CTDSPL2: variants seen among roughly 807,000 people sequenced by gnomAD.
The protein encoded by CTDSPL2 is CTD small phosphatase like 2, also known as CTD small phosphatase-like protein 2.
A neutral mutation model predicts 60.0 loss-of-function variants in CTDSPL2; 5 were observed. That is an observed-to-expected ratio of 0.08 (90% CI 0.04 to 0.18). The LOEUF is 0.18. Ranked by LOEUF, CTDSPL2 falls within the 10% of genes least tolerant of loss-of-function variation. The pLI is 1.00. For missense variants in CTDSPL2, 370 were observed against 548.8 expected (o/e 0.67, Z 3.26); for synonymous variants, 186 against 189.3 (o/e 0.98, Z 0.14).
chr15:44,436,301 G>T (rs1422776337), intron 1 of CTDSPL2, among the ~76,000 whole-genome samples: 1 of 152,150 alleles, frequency 6.6e-6, no homozygotes, highest in Non-Finnish European at 1.5e-5. Flanking sequence ...AGGTCATCTA[G>T]TCCAATAACA....
intron 5 of CTDSPL2, among the ~76,000 whole-genome samples, chr15:44,493,615 G>A (rs1204204003): frequency 6.6e-6 from 1 of 152,024 alleles, no homozygotes; most frequent in Non-Finnish European, 1.5e-5. Context: ...GCAATATGGC[G>A]AAACCCTGTA....
At chr15:44,446,212 C>T (rs1034607560) in intron 1 of CTDSPL2, among the ~76,000 whole-genome samples, 1 of 152,190 alleles carries the variant, frequency 6.6e-6, no homozygotes, top group Non-Finnish European at 1.5e-5. Context: ...GTATGAACCA[C>T]CATGCCCTGC....
chr15:44,519,029 C>A (rs2081709531), intron 10 of CTDSPL2, 140 bp from the exon 11 acceptor site: 2 of 468,736 alleles, frequency 4.3e-6, no homozygotes, highest in South Asian at 9.8e-5. Flanking sequence ...AACGCTTAGA[C>A]CCATATTTGT....
chr15:44,513,695 T>G (rs572763396), intron 8 of CTDSPL2, among the ~76,000 whole-genome samples: 1 of 152,322 alleles, frequency 6.6e-6, no homozygotes, highest in South Asian at 2.1e-4. Flanking sequence ...TAAATACTTG[T>G]TATTCGTGGT....
intron 12 of CTDSPL2, among the ~76,000 whole-genome samples, chr15:44,522,475 G>C (rs558994626): frequency 6.6e-6 from 1 of 152,116 alleles, no homozygotes; most frequent in Non-Finnish European, 1.5e-5. Flanking sequence ...TAAATTGGCC[G>C]GGTGTGGTGG....
At chr15:44,501,487 T>C (rs1472285855) in intron 8 of CTDSPL2, among the ~76,000 whole-genome samples, 3 of 152,158 alleles carry the variant, frequency 2.0e-5, no homozygotes, top group Admixed American at 6.5e-5. Context: ...TAACTCTCTT[T>C]TTAAAGTTCT....
chr15:44,432,720 A>G (rs950835817), intron 1 of CTDSPL2, among the ~76,000 whole-genome samples: 4 of 151,878 alleles, frequency 2.6e-5, no homozygotes, highest in Non-Finnish European at 4.4e-5. Context: ...CCCAGATTCA[A>G]GTGATTCTCC....
chr15:44,444,884 G>A (rs1252736068), intron 1 of CTDSPL2, among the ~76,000 whole-genome samples: 1 of 106,330 alleles, frequency 9.4e-6, no homozygotes, highest in African/African-American at 3.7e-5. Flanking sequence ...GTCTCCCTCT[G>A]TTGCCCAGGC....
At chr15:44,473,707 A>G (rs76214618) in intron 2 of CTDSPL2, among the ~76,000 whole-genome samples, 1,756 of 152,208 alleles carry the variant, frequency 0.012, 40 homozygotes, top group East Asian at 0.087. Flanking sequence ...TTGCATGTTC[A>G]TTTTCATTAA....
intron 1 of CTDSPL2, among the ~76,000 whole-genome samples, chr15:44,440,937 C>T (rs893186732): frequency 5.9e-5 from 9 of 152,064 alleles, no homozygotes; most frequent in Admixed American, 2.0e-4. Context: ...AAATTTCTCT[C>T]GTGTTACTTT....
chr15:44,449,496 T>C (rs906974000), intron 1 of CTDSPL2, among the ~76,000 whole-genome samples: 4 of 152,050 alleles, frequency 2.6e-5, no homozygotes, highest in African/African-American at 9.7e-5. Context: ...GCCTGGCTAA[T>C]TTTTTTGTAT....
At chr15:44,432,882 A>G (rs1311297744) in intron 1 of CTDSPL2, among the ~76,000 whole-genome samples, 3 of 152,012 alleles carry the variant, frequency 2.0e-5, no homozygotes, top group Non-Finnish European at 4.4e-5. Context: ...TCGGTCTCCC[A>G]AAGTGCTGGG....
rs1180050737 is a variant in CTDSPL2, at chr15:44,514,732, A to G, written c.1033-33A>G. The G allele has an allele frequency of 5.2e-6, 8 of 1,543,592 alleles. No individual in the cohort carries two copies. The South Asian group carries it at 7.9e-5, about 15-fold the overall frequency. On this transcript the variant is annotated intron_variant, in intron 9 of 12. Coordinates refer to ENST00000260327, the MANE Select transcript of CTDSPL2 (RefSeq NM_016396.3). ...TATAGTACCCATATTTAGACCATGT[A>G]TAATGATTACTTCTTTTCCCCTGAA...
Position 44,427,631 on chromosome 15 carries a change from A to G in CTDSPL2, c.-166A>G, listed in dbSNP as rs939841712. ...ATCCGGGTCCCTGTCCGTGCGGTGC[A>G]GCAGGTCGGTAGGCGGGAAATGGCG... On this transcript the variant is annotated 5_prime_UTR_variant, in exon 1 of 13. Transcript: ENST00000260327. 47 of 399,126 alleles carry G rather than the reference A, an allele frequency of 1.2e-4. No individual in the cohort carries two copies. Among genetic ancestry groups the G allele is most frequent in the Admixed American group, 1.1e-3 (26 of 22,704 alleles). 24.7% of individuals were successfully genotyped at this position (399,126 alleles called of 1,614,324 possible). A position where few individuals can be genotyped will look rare whatever the true frequency, so the allele number is the denominator to read the frequency against.
intron 2 of CTDSPL2, among the ~76,000 whole-genome samples, chr15:44,482,895 A>C (rs1321343173): frequency 1.3e-5 from 2 of 152,212 alleles, no homozygotes; most frequent in Non-Finnish European, 2.9e-5. Context: ...TCTAATCCTT[A>C]CCAAAAGATT....
At chr15:44,471,092 G>A (rs1190341849) in intron 2 of CTDSPL2, among the ~76,000 whole-genome samples, 1 of 152,038 alleles carries the variant, frequency 6.6e-6, no homozygotes, top group African/African-American at 2.4e-5. Context: ...GAGTTTCATA[G>A]GATTATAATC....
intron 1 of CTDSPL2, among the ~76,000 whole-genome samples, chr15:44,429,716 AT>A (rs1195868497): frequency 6.6e-6 from 1 of 152,132 alleles, no homozygotes; most frequent in Non-Finnish European, 1.5e-5. Context: ...AAATACAAAA[AT>A]TAGCCGGGCA....
chr15:44,462,865 C>A (rs141020563), intron 2 of CTDSPL2, among the ~76,000 whole-genome samples: 76 of 151,592 alleles, frequency 5.0e-4, no homozygotes, highest in African/African-American at 1.8e-3. Context: ...GCCACCATGC[C>A]CAGCTAATTT....
At chr15:44,496,975 C>CTA in intron 6 of CTDSPL2, 52 bp from the exon 7 acceptor site, 2 of 1,026,202 alleles carry the variant, frequency 1.9e-6, no homozygotes, top group South Asian at 2.8e-5. Flanking sequence ...TAGTAATGTT[C>CTA]TATATGTATA....
Sources: gnomAD v4.1 joint callset for allele counts (sites outside exome capture counted in the v4.1 genomes callset) on GRCh38, gnomAD v4.1.1 for gene constraint, MANE v1.5 for transcripts, NCBI Gene and HGNC (gene_info 2026-07-23, HGNC 2026-07-21) for gene names.